Variants in POLR1C observed in about 807,000 individuals in gnomAD.
POLR1C encodes RNA polymerase I and III subunit C.
In POLR1C, 42 loss-of-function variants were observed where a neutral mutation model predicts 38.3. The observed-to-expected ratio is 1.10, with a 90% confidence interval of 0.86 to 1.42. The LOEUF is 1.42. Among genes scored for constraint, POLR1C ranks in the 40% most tolerant of loss-of-function variants. POLR1C has a pLI of 0.00. For synonymous variants in POLR1C, 163 were observed against 163.9 expected, an observed-to-expected ratio of 0.99 and a Z score of 0.04; for missense variants, 507 against 450.5, an observed-to-expected ratio of 1.13 and a Z score of -1.14.
At chr6:43,554,928 AG>A (rs1761967374) in intron 10 of POLR1C, 1 of 148,016 alleles carries the variant, frequency 6.8e-6, no homozygotes. Context: ...GACGTGCACT[AG>A]TTAATTCACT....
Position 43,536,680 on chromosome 6 carries a change from A to T in POLR1C, c.*4+7321A>T, listed in dbSNP as rs535737920. On this transcript the variant is annotated intron_variant, in intron 9 of 10. Transcript: ENST00000607635. Reference sequence around the variant, plus strand: ...GAGGCTGAGGTAGGAGAATCGCTTGAACCCGGGAGGCAGAGGTTGCAGTGA... The same window carrying T: ...GAGGCTGAGGTAGGAGAATCGCTTGTACCCGGGAGGCAGAGGTTGCAGTGA... 2.1e-5 allele frequency among the ~76,000 whole-genome samples: 3 copies of T among 140,486 alleles called. No individual in the cohort carries two copies. In the South Asian group the frequency reaches 7.0e-4, roughly 33 times the overall value. 92.2% of individuals were successfully genotyped at this position (140,486 alleles called of 152,430 possible).
At chr6:43,529,146 G>A (rs1314814511) in intron 8 of POLR1C, 2 of 1,320,048 alleles carry the variant, frequency 1.5e-6, no homozygotes, top group Non-Finnish European at 2.1e-6. Context: ...ATTTCCGTCA[G>A]GCTGCACATT....
At chr6:43,556,050 G>A (rs2127739027) in intron 10 of POLR1C, 1 of 1,531,668 alleles carries the variant, frequency 6.5e-7, no homozygotes, top group Non-Finnish European at 8.8e-7. Flanking sequence ...TACCACCCTA[G>A]GGGAAAAGCA....
At chr6:43,517,876 TTAAA>T (rs2127687278) in intron 2 of POLR1C, among the ~76,000 whole-genome samples, 1 of 152,312 alleles carries the variant, frequency 6.6e-6, no homozygotes, top group East Asian at 1.9e-4. Flanking sequence ...AAAATTGCAT[TTAAA>T]TAGATTACTG....
intron 9 of POLR1C, among the ~76,000 whole-genome samples, chr6:43,535,483 G>T (rs962576389): frequency 6.6e-6 from 1 of 152,060 alleles, no homozygotes; most frequent in Non-Finnish European, 1.5e-5. Flanking sequence ...GTAGCTACAG[G>T]TTTAAGATGC....
intron 9 of POLR1C, among the ~76,000 whole-genome samples, chr6:43,542,832 A>G (rs1794771493): frequency 6.6e-6 from 1 of 152,164 alleles, no homozygotes; most frequent in South Asian, 2.1e-4. Context: ...CAGAAAATAC[A>G]CATTTCTTAT....
At chr6:43,531,701 A>T, downstream of POLR1C, 1 of 789,826 alleles carries the variant, frequency 1.3e-6, no homozygotes, top group East Asian at 2.6e-5. Context: ...TGTACTGCAA[A>T]GCAGTTGGCT....
intron 10 of POLR1C, chr6:43,556,166 T>C: frequency 3.4e-6 from 2 of 590,048 alleles, no homozygotes; most frequent in South Asian, 5.3e-5. Flanking sequence ...CTCTGGAAAC[T>C]GTATTACCAG....
At position 43,520,926 on chromosome 6, in the gene POLR1C, C is replaced by T. The variant is rs764460811; in HGVS notation, c.806-6C>T. Reference sequence around the variant, plus strand: ...GGAATAAAAAAACATGGTTTGTTCTCATTAGGTAAAAAGGTGGCCAGAGTT... The same window carrying T: ...GGAATAAAAAAACATGGTTTGTTCTTATTAGGTAAAAAGGTGGCCAGAGTT... On this transcript the variant is annotated splice_polypyrimidine_tract_variant and splice_region_variant and intron_variant, in intron 7 of 8. Transcript: ENST00000642195. The T allele has an allele frequency of 1.9e-6, 3 of 1,612,904 alleles. No individual in the cohort carries two copies. Among genetic ancestry groups the T allele is most frequent in the Non-Finnish European group, 2.5e-6 (3 of 1,178,900 alleles).
intron 3 of POLR1C, 46 bp from the exon 4 acceptor site, chr6:43,519,660 G>C (rs753022922): frequency 1.9e-6 from 3 of 1,613,988 alleles, no homozygotes; most frequent in Middle Eastern, 1.7e-4. Context: ...ATAGGTAGGG[G>C]GTCTGTTGGG....
chr6:43,531,397 A>T, downstream of POLR1C: 1 of 1,281,732 alleles, frequency 7.8e-7, no homozygotes, highest in Non-Finnish European at 1.1e-6. Flanking sequence ...CCTGTACACT[A>T]GATGAAAAGT....
Position 43,539,323 on chromosome 6 carries a change from A to G in POLR1C, c.*4+9964A>G. 6.4e-6 allele frequency: 10 copies of G among 1,572,316 alleles called. 1 individual carries two copies. The South Asian group carries it at 8.9e-5, about 14-fold the overall frequency. ...GGCCACTGTAGTCCCCGATAGCAAC[A>G]AACGCCTTGAACCTGGTGCGCTGGC... is the stretch of plus-strand genomic sequence containing the variant. On this transcript the variant is annotated intron_variant, in intron 9 of 10. Transcript: ENST00000607635.
At chr6:43,539,287 C>T in intron 9 of POLR1C, 1 of 1,532,192 alleles carries the variant, frequency 6.5e-7, no homozygotes, top group Non-Finnish European at 8.9e-7. Context: ...ACTTAACACC[C>T]AGACCGACGT....
exon 11 of POLR1C, chr6:43,562,248 A>G (rs1274258155): frequency 6.2e-7 from 1 of 1,603,664 alleles, no homozygotes; most frequent in Non-Finnish European, 8.5e-7. Flanking sequence ...CTAGCTCACC[A>G]GCAATGCACA....
At chr6:43,551,216 T>C (rs1795212991) in intron 10 of POLR1C, 1 of 1,378,172 alleles carries the variant, frequency 7.3e-7, no homozygotes, top group Admixed American at 2.9e-5. Flanking sequence ...TGTAGCAAGA[T>C]CCTGTCTCCA....
intron 8 of POLR1C, among the ~76,000 whole-genome samples, chr6:43,527,959 A>G (rs995802319): frequency 6.6e-6 from 1 of 152,236 alleles, no homozygotes; most frequent in Non-Finnish European, 1.5e-5. Context: ...AGGTAACAGT[A>G]GCCCCTATGA....
chr6:43,538,771 C>CTTTT, intron 9 of POLR1C: 1 of 532,674 alleles, frequency 1.9e-6, no homozygotes. Context: ...CTACATTTTT[C>CTTTT]TTTTTTTTTT....
chr6:43,524,809 C>T, downstream of POLR1C: 1 of 1,612,060 alleles, frequency 6.2e-7, no homozygotes, highest in Non-Finnish European at 8.5e-7. Context: ...AGCCATCCTT[C>T]CCCCATGCCT....
chr6:43,553,120 C>T (rs1182215946), intron 10 of POLR1C, among the ~76,000 whole-genome samples: 2 of 152,030 alleles, frequency 1.3e-5, no homozygotes, highest in Non-Finnish European at 1.5e-5. Flanking sequence ...TTGAGATCAG[C>T]CTGGGCAACA....
Sources: allele counts gnomAD v4.1 joint callset (sites outside exome capture counted in the v4.1 genomes callset), GRCh38; gene constraint gnomAD v4.1.1; transcripts MANE v1.5; gene names NCBI Gene and HGNC (gene_info 2026-07-23, HGNC 2026-07-21).